The following CDH18 variants were observed in gnomAD, a reference collection of about 807,000 sequenced individuals.
CDH18 encodes cadherin-18.
In CDH18, 31 loss-of-function variants were observed where a neutral mutation model predicts 67.9. That is an observed-to-expected ratio of 0.46 (90% CI 0.34 to 0.62). The LOEUF is 0.62. CDH18 is among the 20% of genes least tolerant of loss of function. The pLI, the probability that CDH18 is intolerant of heterozygous loss-of-function variation, is 0.01. For missense variants in CDH18, 890 were observed against 975.5 expected (o/e 0.91, Z 1.17); for synonymous variants, 362 against 347.2 (o/e 1.04, Z -0.48).
chr5:19,857,197 TCCA>T, intron 2 of CDH18, among the ~76,000 whole-genome samples: 1 of 151,570 alleles, frequency 6.6e-6, no homozygotes, highest in East Asian at 1.9e-4. Flanking sequence ...GCCATTGCAC[TCCA>T]GCTTGGGCAT....
At position 19,961,828 on chromosome 5, in the gene CDH18, T is replaced by C. The variant is rs950898707; in HGVS notation, c.-257+19232A>G. 3.3e-5 allele frequency among the ~76,000 whole-genome samples: 5 copies of C among 152,132 alleles called. No individual in the cohort carries two copies. In the South Asian group the frequency reaches 1.0e-3, roughly 31 times the overall value. The stretch of plus-strand genomic sequence containing the variant: ...CTTTTTTAAGTTTTTATTATGGTCA[T>C]GTAATAAAATAATTGGCCCTTAATC... On this transcript the variant is annotated intron_variant, in intron 2 of 12. Coordinates refer to ENST00000382275, the MANE Select transcript of CDH18 (RefSeq NM_004934.5).
chr5:19,529,567 T>C (rs1561276324), intron 9 of CDH18, among the ~76,000 whole-genome samples: 1 of 152,084 alleles, frequency 6.6e-6, no homozygotes, highest in African/African-American at 2.4e-5. Flanking sequence ...GAAGATTTAT[T>C]ATGATTATGA....
intron 4 of CDH18, among the ~76,000 whole-genome samples, chr5:19,738,135 G>T (rs1768603896): frequency 2.6e-5 from 4 of 151,992 alleles, no homozygotes; most frequent in Non-Finnish European, 4.4e-5. Context: ...TACCTATTTA[G>T]TTTTAGACAC....
At chr5:19,923,260 A>G (rs1319951896) in intron 2 of CDH18, among the ~76,000 whole-genome samples, 3 of 152,186 alleles carry the variant, frequency 2.0e-5, no homozygotes, top group Admixed American at 6.5e-5. Context: ...TTCAGCAGCC[A>G]ACCAATTAGA....
chr5:20,484,394 G>A (rs1407546595), intron 1 of CDH18, among the ~76,000 whole-genome samples: 3 of 151,968 alleles, frequency 2.0e-5, no homozygotes, highest in Admixed American at 2.0e-4. Flanking sequence ...TCTAAAAATA[G>A]AGCTACTATA....
intron 5 of CDH18, among the ~76,000 whole-genome samples, chr5:19,649,039 T>G (rs982761132): frequency 6.6e-6 from 1 of 152,100 alleles, no homozygotes; most frequent in African/African-American, 2.4e-5. Flanking sequence ...TCTTAAGATA[T>G]TTCAGGTAAG....
At chr5:20,460,659 G>A (rs1385240928) in intron 1 of CDH18, among the ~76,000 whole-genome samples, 3 of 152,028 alleles carry the variant, frequency 2.0e-5, no homozygotes, top group Non-Finnish European at 4.4e-5. Context: ...GTTATTTGAA[G>A]TTTCATTAAG....
chr5:20,110,065 G>T (rs1747324108), intron 2 of CDH18, among the ~76,000 whole-genome samples: 1 of 152,120 alleles, frequency 6.6e-6, no homozygotes, highest in African/African-American at 2.4e-5. Context: ...TCAACTTTCA[G>T]ATTTCTCTCT....
intron 1 of CDH18, among the ~76,000 whole-genome samples, chr5:20,284,060 C>T (rs187918922): frequency 6.6e-6 from 1 of 152,028 alleles, no homozygotes; most frequent in Non-Finnish European, 1.5e-5. Flanking sequence ...AACAATTGAA[C>T]TCCTGGAGAT....
chr5:20,539,147 C>T (rs112274260), intron 1 of CDH18, among the ~76,000 whole-genome samples: 3,547 of 151,866 alleles, frequency 0.023, 130 homozygotes, highest in African/African-American at 0.08. Flanking sequence ...CTTCAGCCTC[C>T]GAAAAAGTGC....
At chr5:20,400,210 G>A (rs1745642195) in intron 1 of CDH18, among the ~76,000 whole-genome samples, 1 of 152,118 alleles carries the variant, frequency 6.6e-6, no homozygotes, top group African/African-American at 2.4e-5. Flanking sequence ...TCCTGTAGTT[G>A]TCATTTTAAG....
chr5:20,321,057 C>T (rs891887978), intron 1 of CDH18, among the ~76,000 whole-genome samples: 4 of 152,136 alleles, frequency 2.6e-5, no homozygotes, highest in Non-Finnish European at 5.9e-5. Flanking sequence ...CCCTCTCTTT[C>T]CTTGGCTTTC....
chr5:19,969,803 C>A (rs1797845428), intron 2 of CDH18, among the ~76,000 whole-genome samples: 1 of 151,646 alleles, frequency 6.6e-6, no homozygotes, highest in African/African-American at 2.4e-5. Context: ...ATGTAACTAA[C>A]CTGCACATTG....
chr5:20,483,031 C>T (rs1581085546), intron 1 of CDH18, among the ~76,000 whole-genome samples: 1 of 152,086 alleles, frequency 6.6e-6, no homozygotes. Context: ...AACCTAAATA[C>T]TTCAACCAAA....
intron 8 of CDH18, 116 bp from the exon 9 acceptor site, chr5:19,544,121 T>C (rs950766209): frequency 1.4e-5 from 6 of 428,114 alleles, no homozygotes; most frequent in Admixed American, 8.1e-5. Context: ...TTAAATTCTA[T>C]ATTTGATTAC....
intron 2 of CDH18, among the ~76,000 whole-genome samples, chr5:20,025,827 C>T (rs78249821): frequency 0.014 from 2,205 of 152,306 alleles, 24 homozygotes; most frequent in Middle Eastern, 0.027. Context: ...CTAAGCTAGT[C>T]ACCCAGCAAA....
At chr5:20,531,669 A>G (rs2126555816) in intron 1 of CDH18, among the ~76,000 whole-genome samples, 1 of 152,280 alleles carries the variant, frequency 6.6e-6, no homozygotes, top group African/African-American at 2.4e-5. Flanking sequence ...GTTCTCACTT[A>G]TAAATGGAAG....
At chr5:20,194,237 A>C (rs1554101241) in intron 2 of CDH18, among the ~76,000 whole-genome samples, 1 of 152,014 alleles carries the variant, frequency 6.6e-6, no homozygotes, top group Admixed American at 6.6e-5. Flanking sequence ...CAGCCCCAAA[A>C]CTCCTTGTGA....
At chr5:19,755,732 A>G (rs1451497413) in intron 3 of CDH18, among the ~76,000 whole-genome samples, 3 of 151,778 alleles carry the variant, frequency 2.0e-5, no homozygotes, top group Non-Finnish European at 4.4e-5. Flanking sequence ...TCCAAGTCCC[A>G]AAACTGAAGA....
Sources: allele counts gnomAD v4.1 joint callset (sites outside exome capture counted in the v4.1 genomes callset), GRCh38; gene constraint gnomAD v4.1.1; transcripts MANE v1.5; gene names NCBI Gene and HGNC (gene_info 2026-07-23, HGNC 2026-07-21).